Variants in GLCCI1 observed in about 807,000 individuals in gnomAD.
GLCCI1 encodes glucocorticoid-induced transcript 1 protein.
Under a neutral mutation model 52.2 loss-of-function variants are expected in GLCCI1, and 24 were observed. The ratio of observed to expected loss-of-function variants is 0.46; its 90% CI spans 0.33 to 0.65. GLCCI1 has a LOEUF of 0.65. Among genes scored for constraint, GLCCI1 ranks in the 30% least tolerant of loss-of-function variants. The pLI is 0.02. For missense variants in GLCCI1, 704 were observed against 701.5 expected (o/e 1.00, Z -0.04); for synonymous variants, 310 against 276.5 (o/e 1.12, Z -1.20).
chr7:8,065,981 G>T (rs1452607928), intron 5 of GLCCI1, among the ~76,000 whole-genome samples: 1 of 152,212 alleles, frequency 6.6e-6, no homozygotes, highest in Non-Finnish European at 1.5e-5. Flanking sequence ...AATGGTACTA[G>T]CTCTTCTTTA....
At chr7:8,009,529 C>A (rs984177065) in intron 2 of GLCCI1, among the ~76,000 whole-genome samples, 11 of 152,310 alleles carry the variant, frequency 7.2e-5, no homozygotes, top group East Asian at 1.9e-4. Flanking sequence ...GATTCTACTT[C>A]TCTGCCCACT....
intron 3 of GLCCI1, among the ~76,000 whole-genome samples, chr7:8,027,351 C>T (rs1215064912): frequency 6.6e-6 from 1 of 151,904 alleles, no homozygotes; most frequent in Non-Finnish European, 1.5e-5. Flanking sequence ...AGCTGGTTGT[C>T]GTGGCACACA....
intron 6 of GLCCI1, among the ~76,000 whole-genome samples, chr7:8,081,495 A>AT (rs1487326931): frequency 1.3e-5 from 2 of 152,180 alleles, no homozygotes; most frequent in Non-Finnish European, 2.9e-5. Context: ...TGATATATAT[A>AT]TTTTTGAGAC....
At chr7:8,023,616 T>TTTTTTTTTTTTTTTTTTTG (rs1781547346) in intron 3 of GLCCI1, among the ~76,000 whole-genome samples, 1 of 126,552 alleles carries the variant, frequency 7.9e-6, no homozygotes, top group Non-Finnish European at 1.7e-5. Context: ...TTTTTTTTTT[T>TTTTTTTTTTTTTTTTTTTG]GAGGTGGAAT....
At chr7:8,008,014 G>C (rs1781191354) in intron 2 of GLCCI1, among the ~76,000 whole-genome samples, 1 of 152,026 alleles carries the variant, frequency 6.6e-6, no homozygotes, top group South Asian at 2.1e-4. Flanking sequence ...CAGCATGGTA[G>C]ACACACACAC....
At chr7:7,988,313 A>T (rs986163123) in intron 1 of GLCCI1, among the ~76,000 whole-genome samples, 1 of 152,092 alleles carries the variant, frequency 6.6e-6, no homozygotes, top group African/African-American at 2.4e-5. Context: ...GTTTTTTACT[A>T]TCAGGTGTAT....
At chr7:8,081,536 A>T (rs1308848220) in intron 6 of GLCCI1, among the ~76,000 whole-genome samples, 1 of 152,212 alleles carries the variant, frequency 6.6e-6, no homozygotes, top group Non-Finnish European at 1.5e-5. Context: ...GCTGAAGTTC[A>T]ATGGTATGCT....
intron 3 of GLCCI1, among the ~76,000 whole-genome samples, chr7:8,023,585 A>ATTTTTTTTTTTTT (rs1268659559): frequency 1.0e-3 from 40 of 39,746 alleles, no homozygotes; most frequent in Non-Finnish European, 1.6e-3. Flanking sequence ...AATCTCTGTT[A>ATTTTTTTTTTTTT]TTCTTTTTTT....
intron 6 of GLCCI1, among the ~76,000 whole-genome samples, chr7:8,073,087 C>A (rs552640907): frequency 3.4e-4 from 51 of 152,222 alleles, no homozygotes; most frequent in African/African-American, 1.2e-3. Context: ...ATGTCACTCT[C>A]CTGCCAGGGT....
chr7:7,995,077 G>C (rs7800279), intron 1 of GLCCI1, among the ~76,000 whole-genome samples: 4,408 of 152,250 alleles, frequency 0.029, 199 homozygotes, highest in African/African-American at 0.093. Flanking sequence ...CCAAGTAAAA[G>C]CAAGTGAAAA....
At chr7:8,033,629 C>T (rs1781804974) in intron 3 of GLCCI1, among the ~76,000 whole-genome samples, 1 of 151,926 alleles carries the variant, frequency 6.6e-6, no homozygotes, top group Non-Finnish European at 1.5e-5. Context: ...AATAAGAAAA[C>T]AATTTATTCA....
At chr7:8,080,910 G>C (rs1277218327) in intron 6 of GLCCI1, among the ~76,000 whole-genome samples, 6 of 148,836 alleles carry the variant, frequency 4.0e-5, no homozygotes, top group African/African-American at 1.5e-4. Flanking sequence ...CTGGCCTCAA[G>C]TGATCCTCCC....
At position 7,986,459 on chromosome 7, in the gene GLCCI1, C is replaced by T. The variant is rs553560403; in HGVS notation, c.457+16652C>T. Among the ~76,000 whole-genome samples, 6 of 150,512 alleles carry T rather than the reference C, an allele frequency of 4.0e-5. No individual in the cohort carries two copies. The South Asian group carries it at 6.3e-4, about 16-fold the overall frequency. ...AGAATGGCATGAACCTGCTAGGCGGCGCTTGCAGTGAGCCGAGATCACACC... is the reference window on the plus strand; with the variant it reads ...AGAATGGCATGAACCTGCTAGGCGGTGCTTGCAGTGAGCCGAGATCACACC... On this transcript the variant is annotated intron_variant, in intron 1 of 7. Transcript: ENST00000223145.
chr7:7,987,722 G>C (rs13247102), intron 1 of GLCCI1, among the ~76,000 whole-genome samples: 29,723 of 152,000 alleles, frequency 0.2, 3,033 homozygotes, highest in East Asian at 0.26. Flanking sequence ...CGAGTAGCTA[G>C]GACTACAGGT....
At chr7:7,994,589 A>G (rs1488913688) in intron 1 of GLCCI1, among the ~76,000 whole-genome samples, 1 of 152,204 alleles carries the variant, frequency 6.6e-6, no homozygotes, top group African/African-American at 2.4e-5. Flanking sequence ...TGCATTCATG[A>G]AGGCAGAGCC....
At chr7:8,060,346 A>G (rs1382225764) in intron 5 of GLCCI1, 98 bp downstream of exon 5, 2 of 914,478 alleles carry the variant, frequency 2.2e-6, no homozygotes, top group Non-Finnish European at 3.3e-6. Flanking sequence ...GATATAATTC[A>G]CATACCATCC....
At chr7:8,075,786 C>T (rs544551858) in intron 6 of GLCCI1, among the ~76,000 whole-genome samples, 1 of 152,172 alleles carries the variant, frequency 6.6e-6, no homozygotes, top group Non-Finnish European at 1.5e-5. Flanking sequence ...GAGTTGTATT[C>T]CAAGAGTCCC....
intron 1 of GLCCI1, among the ~76,000 whole-genome samples, chr7:7,998,924 A>C (rs1236500371): frequency 1.3e-5 from 2 of 152,122 alleles, no homozygotes; most frequent in Non-Finnish European, 2.9e-5. Flanking sequence ...TACAGAAAGA[A>C]AATATAATTT....
At chr7:7,982,124 C>A in intron 1 of GLCCI1, 1 of 399,118 alleles carries the variant, frequency 2.5e-6, no homozygotes, top group South Asian at 2.2e-5. Flanking sequence ...TAGTAATAGT[C>A]ACAAATCCAA....
Sources: gnomAD v4.1 joint callset for allele counts (sites outside exome capture counted in the v4.1 genomes callset) on GRCh38, gnomAD v4.1.1 for gene constraint, MANE v1.5 for transcripts, NCBI Gene and HGNC (gene_info 2026-07-23, HGNC 2026-07-21) for gene names.